Variants in HSPG2 observed in about 807,000 individuals in gnomAD.
The protein encoded by HSPG2 is heparan sulfate proteoglycan 2.
A neutral mutation model predicts 526.6 loss-of-function variants in HSPG2; 278 were observed. That is an observed-to-expected ratio of 0.53 (90% CI 0.48 to 0.58). HSPG2 has a LOEUF of 0.58. Among genes scored for constraint, HSPG2 ranks in the 20% least tolerant of loss-of-function variants. The probability of loss-of-function intolerance (pLI) is 0.00; values close to 1 mark genes in which losing one functional copy is unlikely to be tolerated. For missense variants in HSPG2, 5,354 were observed against 6,099.5 expected (o/e 0.88, Z 4.07); for synonymous variants, 2,465 against 2,555.4 (o/e 0.96, Z 1.07).
Position 21,834,773 on chromosome 1 carries a change from G to A in HSPG2, c.10626C>T (p.Ile3542=), listed in dbSNP as rs140973670. The change falls in exon 77 of 97, where the codon ATC becomes ATT. Residue 3542 remains isoleucine, a synonymous_variant. Transcript: ENST00000374695. Reference sequence around the variant, plus strand: ...CCGCATCAGCCAGCTCTACGTGGGCGATCCTGACGACACCTCCGCTCTGCA... The same window carrying A: ...CCGCATCAGCCAGCTCTACGTGGGCAATCCTGACGACACCTCCGCTCTGCA... ...GIVQSGGVVR[I]AHVELADAGQ... 1.0e-4 allele frequency: 162 copies of A among 1,614,150 alleles called. 1 individual carries two copies. The African/African-American group carries it at 1.7e-3, about 16-fold the overall frequency.
chr1:21,830,816 G>C, intron 85 of HSPG2, 166 bp downstream of exon 85: 1 of 632,048 alleles, frequency 1.6e-6, no homozygotes, highest in Non-Finnish European at 2.9e-6. Flanking sequence ...GAGGGCCTTC[G>C]GGTAGCAGAG....
chr1:21,857,388 GC>G lies in HSPG2; in HGVS notation c.5294-4del. The G allele has an allele frequency of 6.2e-7, 1 of 1,613,184 alleles. No individual in the cohort carries two copies. Among genetic ancestry groups the G allele is most frequent in the Non-Finnish European group, 8.5e-7 (1 of 1,179,806 alleles). The stretch of plus-strand genomic sequence containing the variant: ...TGTGATGGGCTTGCTTGGAGCCTCT[GC>G]AGGGACGGGAAGCCCCCCTGTGAGC... On this transcript the variant is annotated splice_region_variant and splice_polypyrimidine_tract_variant and intron_variant, in intron 42 of 96. Transcript: ENST00000374695.
chr1:21,830,113 G>A, intron 85 of HSPG2, 22 bp from the exon 86 acceptor site: 34 of 1,559,756 alleles, frequency 2.2e-5, no homozygotes, highest in Non-Finnish European at 3.0e-5. Flanking sequence ...ATAGGCCAGT[G>A]AAAAGACACG....
intron 57 of HSPG2, among the ~76,000 whole-genome samples, chr1:21,849,429 C>A (rs1638711209): frequency 1.3e-5 from 2 of 152,224 alleles, no homozygotes; most frequent in South Asian, 2.1e-4. Flanking sequence ...GGTGGTAGAC[C>A]AGAGGAGCCC....
rs375391128 is a variant in HSPG2 at position 21,822,259 on chromosome 1, C to G, written c.*1057G>C. 56 of 1,589,998 alleles carry G rather than the reference C, an allele frequency of 3.5e-5. No individual in the cohort carries two copies. Among genetic ancestry groups the G allele is most frequent in the Non-Finnish European group, 4.7e-5 (54 of 1,158,350 alleles). On this transcript the variant is annotated 3_prime_UTR_variant, in exon 97 of 97. Transcript: ENST00000374695. ...AGGAGGCCCCTGGCGGGGATAGCAC[C>G]GTTTATTAAGAAAAATCAAGACAAA...
chr1:21,928,735 C>T (rs1000414535), intron 1 of HSPG2, among the ~76,000 whole-genome samples: 1 of 150,472 alleles, frequency 6.6e-6, no homozygotes, highest in Non-Finnish European at 1.5e-5. Flanking sequence ...AGCCACCGCG[C>T]CCATCCTTTA....
At chr1:21,907,382 TCA>T (rs1448800704) in intron 1 of HSPG2, among the ~76,000 whole-genome samples, 1 of 152,110 alleles carries the variant, frequency 6.6e-6, no homozygotes, top group Non-Finnish European at 1.5e-5. Flanking sequence ...TCTCTGGGCC[TCA>T]GACTCCCCTC....
Position 21,848,193 on chromosome 1 carries a change from T to A in HSPG2, c.7738-100A>T. 2 of 1,386,018 alleles carry A rather than the reference T, an allele frequency of 1.4e-6. No homozygotes were observed. The highest frequency in any genetic ancestry group is 1.4e-5 in the African/African-American group (1 of 70,252). 85.9% of individuals were successfully genotyped at this position (1,386,018 alleles called of 1,614,324 possible). A position where few individuals can be genotyped will look rare whatever the true frequency, so the allele number is the denominator to read the frequency against. On this transcript the variant is annotated intron_variant, in intron 59 of 96. Transcript: ENST00000374695. This position sits in a 1 kb window ranked among gnomAD's most constrained non-coding sequence, Gnocchi z 4.9. The stretch of plus-strand genomic sequence containing the variant: ...TGCCCCTGGACTCTGGGGGCCTCCC[T>A]GCCTTGCCTCCTCAGTGGCCTTCGT...
Position 21,854,337 on chromosome 1 carries a change from C to T in HSPG2, c.6295G>A (p.Gly2099Ser), listed in dbSNP as rs113695182. 193 of 1,568,562 alleles carry T rather than the reference C, an allele frequency of 1.2e-4. 1 individual carries two copies. The African/African-American group carries it at 2.0e-3, about 16-fold the overall frequency. Residue 2099 changes from glycine to serine, a missense_variant, in exon 50 of 97, where the codon GGC becomes AGC. By Grantham distance (56) the Gly-to-Ser change is moderately conservative. Transcript: ENST00000374695. ...ACCTGGGGGAGCCGCAGACGGGAGC[C>T]GTGCACCTGGGCCAGGAGGAGCCAG... ...GSLPPHTQVH[G>S]SRLRLPQVSP...
intron 50 of HSPG2, among the ~76,000 whole-genome samples, 189 bp from the exon 51 acceptor site, chr1:21,853,259 A>G (rs1415257048): frequency 1.3e-5 from 2 of 152,216 alleles, no homozygotes; most frequent in Non-Finnish European, 2.9e-5. Flanking sequence ...CCCAGCCTCT[A>G]ACCACAAGCT....
chr1:21,903,188 C>G (rs1439847226), intron 1 of HSPG2, among the ~76,000 whole-genome samples: 3 of 152,190 alleles, frequency 2.0e-5, no homozygotes, highest in Non-Finnish European at 4.4e-5. Context: ...CGACAGAGGC[C>G]ATAACACTTC....
At position 21,824,405 on chromosome 1, in the gene HSPG2, T is replaced by A; in HGVS notation, c.12745-29A>T. ...CCAGGGAAGCACAGGGTCTCTGGGG[T>A]CCCCAGCCTGGAGAGCAGAGGCTGC... On this transcript the variant is annotated intron_variant, in intron 93 of 96. Transcript: ENST00000374695. The surrounding 1 kb of genome is among the most constrained non-coding windows in gnomAD (Gnocchi z 5.9). 1 of 1,611,954 alleles carries A rather than the reference T, an allele frequency of 6.2e-7. No individual in the cohort carries two copies. Among genetic ancestry groups the A allele is most frequent in the Non-Finnish European group, 8.5e-7 (1 of 1,178,786 alleles).
rs199716056 is a variant in HSPG2 at position 21,861,980 on chromosome 1, G to A, written c.4868+8C>T. The A allele has an allele frequency of 9.9e-6, 16 of 1,614,066 alleles. No homozygotes were observed. In the South Asian group the frequency reaches 1.8e-4, roughly 18 times the overall value. ...GTGTGTCCTTGGGCCTTGAGCTAGGGTACCCACATGTTCTCTGGGTTGGTC... is the reference window on the plus strand; with the variant it reads ...GTGTGTCCTTGGGCCTTGAGCTAGGATACCCACATGTTCTCTGGGTTGGTC... On this transcript the variant is annotated splice_region_variant and intron_variant, in intron 38 of 96. Transcript: ENST00000374695.
intron 1 of HSPG2, among the ~76,000 whole-genome samples, chr1:21,912,958 C>T (rs374615599): frequency 2.0e-5 from 3 of 146,896 alleles, no homozygotes; most frequent in South Asian, 2.1e-4. Flanking sequence ...CCAGCCTGGG[C>T]GAAAGAGTGA....
intron 1 of HSPG2, among the ~76,000 whole-genome samples, chr1:21,936,138 G>A (rs1644483221): frequency 6.6e-6 from 1 of 152,092 alleles, no homozygotes. Flanking sequence ...TGGCTCTGTG[G>A]CTCCCCACGG....
rs1240194765 is a variant in HSPG2, at chr1:21,831,643, G to C, written c.11352+9C>G. ...GGGCTGGAAGTAGCAGTATGGGGTTGGGTCTCACCTGGGAGGTCCCATTGA... is the reference window on the plus strand; with the variant it reads ...GGGCTGGAAGTAGCAGTATGGGGTTCGGTCTCACCTGGGAGGTCCCATTGA... On this transcript the variant is annotated intron_variant, in intron 82 of 96. Transcript: ENST00000374695. The C allele has an allele frequency of 6.2e-7, 1 of 1,609,760 alleles. No homozygotes were observed. Among genetic ancestry groups the C allele is most frequent in the Non-Finnish European group, 8.5e-7 (1 of 1,178,152 alleles).
chr1:21,857,157 G>T lies in HSPG2; in HGVS notation c.5433C>A (p.Asn1811Lys). Reference protein sequence around the residue: ...AYTLVWTRLHNGKLPTRAMDF... With the variant: ...AYTLVWTRLHKGKLPTRAMDF... ...CCATGGCTCGGGTGGGCAGTTTCCCGTTGTGCAGGCGGGTCCACACCAGGG... is the reference window on the plus strand; with the variant it reads ...CCATGGCTCGGGTGGGCAGTTTCCCTTTGTGCAGGCGGGTCCACACCAGGG... The change falls in exon 44 of 97, where the codon AAC becomes AAA. Residue 1811 changes from asparagine to lysine, a missense_variant. Transcript: ENST00000374695. The T allele has an allele frequency of 1.2e-6, 2 of 1,614,150 alleles. No homozygotes were observed. Among genetic ancestry groups the T allele is most frequent in the Non-Finnish European group, 1.7e-6 (2 of 1,180,026 alleles).
chr1:21,852,291 G>A (rs1417804491), intron 52 of HSPG2, 58 bp from the exon 53 acceptor site: 3 of 1,601,656 alleles, frequency 1.9e-6, no homozygotes, highest in Non-Finnish European at 2.6e-6. Context: ...AGAGGGCAGG[G>A]GTTGCCCACC....
rs1275760462 is a variant in HSPG2 at position 21,829,093 on chromosome 1, C to G, written c.11993-14G>C. On this transcript the variant is annotated splice_polypyrimidine_tract_variant and intron_variant, in intron 87 of 96. Transcript: ENST00000374695. ...GAACGGCCAGCCCTGGGGAGGATGC[C>G]AGGCAGGGTTGGGCACATGGGGGCA... 1.3e-6 allele frequency: 2 copies of G among 1,533,546 alleles called. No homozygotes were observed. The highest frequency in any genetic ancestry group is 2.0e-5 in the Admixed American group (1 of 50,860). 95.0% of individuals were successfully genotyped at this position (1,533,546 alleles called of 1,614,324 possible).
Sources: gnomAD v4.1 joint callset for allele counts (sites outside exome capture counted in the v4.1 genomes callset) on GRCh38, gnomAD v4.1.1 for gene constraint, Gnocchi (gnomAD v3.1) non-coding constraint, MANE v1.5 for transcripts, NCBI Gene and HGNC (gene_info 2026-07-23, HGNC 2026-07-21) for gene names.